DIAPH3: variants seen among roughly 807,000 people sequenced by gnomAD.
DIAPH3 encodes the protein diaphanous related formin 3.
In DIAPH3, 117 loss-of-function variants were observed where a neutral mutation model predicts 144.3. The ratio of observed to expected loss-of-function variants is 0.81; its 90% confidence interval spans 0.70 to 0.95. DIAPH3 has a LOEUF of 0.95. Among genes scored for constraint, DIAPH3 ranks in the 40% least tolerant of loss-of-function variants. The pLI is 0.00. For synonymous variants in DIAPH3, 519 were observed against 488.9 expected, an observed-to-expected ratio of 1.06 and a Z score of -0.81; for missense variants, 1,421 against 1,412.7, an observed-to-expected ratio of 1.01 and a Z score of -0.09.
chr13:60,076,963 C>T (rs2057401555), intron 4 of DIAPH3, among the ~76,000 whole-genome samples: 1 of 151,964 alleles, frequency 6.6e-6, no homozygotes, highest in South Asian at 2.1e-4. Context: ...AAATCATACA[C>T]CTTTTTCACA....
intron 22 of DIAPH3, among the ~76,000 whole-genome samples, chr13:59,859,454 T>G (rs1242237572): frequency 6.6e-6 from 1 of 152,156 alleles, no homozygotes; most frequent in Non-Finnish European, 1.5e-5. Context: ...AATAAAGAAT[T>G]TTAAGTATGA....
chr13:59,982,077 C>T (rs2051053466), intron 13 of DIAPH3, among the ~76,000 whole-genome samples: 1 of 151,414 alleles, frequency 6.6e-6, no homozygotes, highest in African/African-American at 2.4e-5. Context: ...TCCCCTATTG[C>T]CCACCTTTGG....
chr13:60,145,864 C>A (rs1951488366), intron 1 of DIAPH3, among the ~76,000 whole-genome samples: 1 of 151,992 alleles, frequency 6.6e-6, no homozygotes, highest in South Asian at 2.1e-4. Flanking sequence ...AAACCATACA[C>A]TCCCAATTCA....
intron 21 of DIAPH3, among the ~76,000 whole-genome samples, chr13:59,867,845 T>C (rs931676461): frequency 7.9e-5 from 12 of 152,100 alleles, no homozygotes; most frequent in Non-Finnish European, 1.8e-4. Flanking sequence ...CAGACATTCA[T>C]AACAGGCAAA....
chr13:59,770,436 T>A (rs186982744), intron 27 of DIAPH3, among the ~76,000 whole-genome samples: 2 of 152,262 alleles, frequency 1.3e-5, no homozygotes, highest in Admixed American at 1.3e-4. Flanking sequence ...CTGATGAAAC[T>A]CATGAGTACT....
intron 5 of DIAPH3, among the ~76,000 whole-genome samples, chr13:60,036,193 G>A (rs187561301): frequency 2.7e-4 from 41 of 152,258 alleles, no homozygotes; most frequent in African/African-American, 7.7e-4. Flanking sequence ...TCTTCAATCT[G>A]TCAGTGTTTA....
intron 12 of DIAPH3, among the ~76,000 whole-genome samples, chr13:59,989,819 C>A (rs927390262): frequency 1.2e-4 from 18 of 151,830 alleles, no homozygotes; most frequent in Non-Finnish European, 2.2e-4. Flanking sequence ...TATGATAAAA[C>A]CCCTGCAGGA....
rs34815880 is a variant in DIAPH3, at chr13:59,746,390, A to ATT, written c.3319+27797_3319+27798dup. Among the ~76,000 whole-genome samples the ATT allele has an allele frequency of 6.8e-3, 992 of 145,576 alleles. 14 individuals are homozygous for ATT. The highest frequency in any genetic ancestry group is 0.023 in the African/African-American group (892 of 39,640). On this transcript the variant is annotated intron_variant, in intron 27 of 27. Coordinates refer to ENST00000400324, the MANE Select transcript of DIAPH3 (RefSeq NM_001042517.2). ...AGCTGTGCGCCACCATACCCAGCTA[A>ATT]TTTTTTTTTTTTTTAGTAGATTGGG...
At chr13:59,984,144 C>T (rs967040432) in intron 12 of DIAPH3, among the ~76,000 whole-genome samples, 2 of 151,580 alleles carry the variant, frequency 1.3e-5, no homozygotes, top group Admixed American at 1.3e-4. Flanking sequence ...AAAGTCAAAA[C>T]CTTGAATTAA....
In DIAPH3 at chr13:59,974,097, A is replaced by T. The variant is rs3736468; in HGVS notation, c.1650+255T>A. 0.07 allele frequency among the ~76,000 whole-genome samples: 10,643 copies of T among 152,196 alleles called. 413 individuals carry two copies. The highest frequency in any genetic ancestry group is 0.11 in the Admixed American group (1,625 of 15,256). ...AAGATTTTCTTACTCTTTATGCTGA[A>T]TTACTTAGGAAACATGTGACATTAG... On this transcript the variant is annotated intron_variant, in intron 15 of 27. Coordinates refer to ENST00000400324, the MANE Select transcript of DIAPH3 (RefSeq NM_001042517.2).
At chr13:60,000,329 C>T (rs969912060) in intron 9 of DIAPH3, among the ~76,000 whole-genome samples, 2 of 151,640 alleles carry the variant, frequency 1.3e-5, no homozygotes, top group Admixed American at 1.3e-4. Flanking sequence ...AAGGGTTGCA[C>T]AACAATGTGA....
intron 24 of DIAPH3, among the ~76,000 whole-genome samples, chr13:59,824,055 T>C (rs562579761): frequency 6.6e-6 from 1 of 152,094 alleles, no homozygotes; most frequent in Non-Finnish European, 1.5e-5. Context: ...TTTATCTAGA[T>C]GAAACATAAA....
intron 4 of DIAPH3, among the ~76,000 whole-genome samples, chr13:60,055,468 G>A (rs1052414473): frequency 7.2e-5 from 11 of 151,868 alleles, no homozygotes; most frequent in African/African-American, 2.7e-4. Context: ...ACTTCTACCT[G>A]CTTACCATGA....
rs371879302 is a variant in DIAPH3 at position 59,926,309 on chromosome 13, G to GT, written c.2075-1440dup. Among the ~76,000 whole-genome samples, 565 of 152,008 alleles carry GT rather than the reference G, an allele frequency of 3.7e-3. 2 individuals are homozygous for GT. Among genetic ancestry groups the GT allele is most frequent in the African/African-American group, 0.012 (498 of 41,494 alleles). ...AGCAATGTGTCTTCTTTTTTTATCT[G>GT]TTTCATTTAGTTCTGCTCTGAACTT... On this transcript the variant is annotated intron_variant, in intron 17 of 27. Coordinates refer to ENST00000400324, the MANE Select transcript of DIAPH3 (RefSeq NM_001042517.2).
chr13:59,760,993 G>C (rs1474422917), intron 27 of DIAPH3, among the ~76,000 whole-genome samples: 1 of 152,110 alleles, frequency 6.6e-6, no homozygotes, highest in African/African-American at 2.4e-5. Flanking sequence ...TGGTAAAACT[G>C]TTTAAGCCAA....
chr13:60,051,520 T>C (rs2056344301), intron 4 of DIAPH3, among the ~76,000 whole-genome samples: 3 of 152,092 alleles, frequency 2.0e-5, no homozygotes, highest in African/African-American at 4.8e-5. Flanking sequence ...CTTGGGAGGC[T>C]GAGGCAGGAC....
intron 2 of DIAPH3, among the ~76,000 whole-genome samples, chr13:60,114,697 C>T (rs2058659686): frequency 6.6e-6 from 1 of 151,346 alleles, no homozygotes; most frequent in African/African-American, 2.4e-5. Flanking sequence ...ACCTACCTAC[C>T]CCTAAGCACT....
chr13:59,912,986 A>G (rs1456296267), intron 19 of DIAPH3, among the ~76,000 whole-genome samples: 1 of 152,190 alleles, frequency 6.6e-6, no homozygotes, highest in African/African-American at 2.4e-5. Flanking sequence ...TATTAATACT[A>G]TCAAATTGAA....
intron 25 of DIAPH3, among the ~76,000 whole-genome samples, chr13:59,807,612 A>G (rs1031797475): frequency 2.0e-5 from 3 of 151,626 alleles, no homozygotes; most frequent in Non-Finnish European, 4.4e-5. Flanking sequence ...AAAATGTTAA[A>G]ATGTATGATG....
Sources: gnomAD v4.1 joint callset for allele counts (sites outside exome capture counted in the v4.1 genomes callset) on GRCh38, gnomAD v4.1.1 for gene constraint, MANE v1.5 for transcripts, NCBI Gene and HGNC (gene_info 2026-07-23, HGNC 2026-07-21) for gene names.